Variants in TRPV6 observed in about 807,000 individuals in gnomAD.
The protein encoded by TRPV6 is Alu-binding protein with zinc finger domain.
In TRPV6, 39 loss-of-function variants were observed where a neutral mutation model predicts 79.0. That is an observed-to-expected ratio of 0.49 (90% CI 0.38 to 0.64). The LOEUF (loss-of-function observed/expected upper bound fraction) is 0.64, where lower values mean the gene tolerates loss of function less well. Ranked by LOEUF, TRPV6 falls within the 30% of genes least tolerant of loss-of-function variation. The pLI is 0.00. For synonymous variants in TRPV6, 373 were observed against 391.9 expected (o/e 0.95, Z 0.57); for missense variants, 813 against 1,011.1 (o/e 0.80, Z 2.66).
chr7:142,885,288 C>T (rs1795281672), intron 1 of TRPV6, 101 bp downstream of exon 1: 1 of 1,403,458 alleles, frequency 7.1e-7, no homozygotes, highest in South Asian at 1.4e-5. Flanking sequence ...ACCATCTGTC[C>T]AGCCAAAGGT....
intron 13 of TRPV6, 92 bp from the exon 14 acceptor site, chr7:142,872,570 G>A (rs1794966727): frequency 7.8e-7 from 1 of 1,286,154 alleles, no homozygotes; most frequent in East Asian, 2.5e-5. Context: ...TCTTCAGTGG[G>A]AGAGAGTTGA....
In TRPV6 at chr7:142,871,862, G is replaced by A. The variant is rs149332910; in HGVS notation, c.2143C>T (p.Pro715Ser). 4.4e-5 allele frequency: 71 copies of A among 1,614,168 alleles called. 1 individual carries two copies. In the African/African-American group the frequency reaches 8.9e-4, roughly 20 times the overall value. ...GAGGGCATAGGAAGGGACAGGTGGGGGCTGAAGGGACAGCCCAGCTCTAGT... is the reference window on the plus strand; with the variant it reads ...GAGGGCATAGGAAGGGACAGGTGGGAGCTGAAGGGACAGCCCAGCTCTAGT... The change falls in exon 15 of 15, where the codon CCC becomes TCC. Residue 715 changes from proline to serine, a missense_variant. This residue lies in a region of TRPV6 where 164 missense variants were observed against 186.1 expected (regional missense o/e 0.88). Transcript: ENST00000359396.
Position 142,873,709 on chromosome 7 carries a change from A to G in TRPV6, c.1647T>C (p.Tyr549=). The G allele has an allele frequency of 6.2e-7, 1 of 1,614,008 alleles. No individual in the cohort carries two copies. The highest frequency in any genetic ancestry group is 8.5e-7 in the Non-Finnish European group (1 of 1,179,920). Reference sequence around the variant, plus strand: ...CGGGGTCCTCTGTCTGGAAGATGATATAGAAGGCTGCTCCACCCAAGGGGG... The same window carrying G: ...CGGGGTCCTCTGTCTGGAAGATGATGTAGAAGGCTGCTCCACCCAAGGGGG... The change falls in exon 13 of 15, where the codon TAT becomes TAC. Residue 549 remains tyrosine, a synonymous_variant. Transcript: ENST00000359396. This position sits in a 1 kb window ranked among gnomAD's most constrained non-coding sequence, Gnocchi z 4.8.
At position 142,875,385 on chromosome 7, in the gene TRPV6, G is replaced by A. The variant is rs1586188050; in HGVS notation, c.1242+83C>T. 15 of 1,421,124 alleles carry A rather than the reference G, an allele frequency of 1.1e-5. No homozygotes were observed. In the East Asian group the frequency reaches 2.7e-4, roughly 26 times the overall value. 88.0% of individuals were successfully genotyped at this position (1,421,124 alleles called of 1,614,324 possible). A position where few individuals can be genotyped will look rare whatever the true frequency, so the allele number is the denominator to read the frequency against. On this transcript the variant is annotated intron_variant, in intron 8 of 14. Transcript: ENST00000359396. Reference sequence around the variant, plus strand: ...TGAGATTAGAGCAAGGGGAGAAATGGTGTGAGGGAGGAAAGGGACACCAGT... The same window carrying A: ...TGAGATTAGAGCAAGGGGAGAAATGATGTGAGGGAGGAAAGGGACACCAGT...
In TRPV6 at chr7:142,877,696, C is replaced by A; in HGVS notation, c.424G>T (p.Ala142Ser). ...ATGGGCTCAAAGACCAGCTCCGGGG[C>A]AGCCTCCATCAGCACCATGGCGGCC... The change falls in exon 3 of 15, where the codon GCC becomes TCC. Residue 142 changes from alanine to serine, a missense_variant. Physicochemically the swap from Ala to Ser is moderately conservative, Grantham distance 99 (BLOSUM62 1). This residue lies in a region of TRPV6 where 555 missense variants were observed against 631.0 expected (regional missense o/e 0.88). Transcript: ENST00000359396. 1 of 1,614,214 alleles carries A rather than the reference C, an allele frequency of 6.2e-7. No individual in the cohort carries two copies. The highest frequency in any genetic ancestry group is 8.5e-7 in the Non-Finnish European group (1 of 1,180,038).
rs1396989429 is a variant in TRPV6, at chr7:142,876,506, A to T, written c.784T>A (p.Tyr262Asn). ...TGCAGGTGGTCCCCATGTCTGTCGTAGGACAGCAACAGGTTGTACATCTGG... is the reference window on the plus strand; with the variant it reads ...TGCAGGTGGTCCCCATGTCTGTCGTTGGACAGCAACAGGTTGTACATCTGG... Residue 262 changes from tyrosine (Y) to asparagine (N), a missense_variant, in exon 6 of 15, where the codon TAC becomes AAC. Tyr to Asn is a moderately radical substitution (Grantham distance 143). Around this residue, in one of 3 missense-constraint regions of TRPV6, gnomAD observed 555 missense variants for 631.0 expected, o/e 0.88. Coordinates refer to ENST00000359396, the MANE Select transcript of TRPV6 (RefSeq NM_018646.6). The T allele has an allele frequency of 2.5e-6, 4 of 1,614,048 alleles. No individual in the cohort carries two copies. The highest frequency in any genetic ancestry group is 3.3e-5 in the Admixed American group (2 of 60,010).
chr7:142,880,065 C>T (rs1795161613), intron 1 of TRPV6: 1 of 152,222 alleles, frequency 6.6e-6, no homozygotes, highest in African/African-American at 2.4e-5. Context: ...GAATCAGCAG[C>T]AATGCCAAAA....
At position 142,873,595 on chromosome 7, in the gene TRPV6, G is replaced by A. The variant is rs777994337; in HGVS notation, c.1761C>T (p.Tyr587=). Reference sequence around the variant, plus strand: ...TGTACATGAAGGGCAGGTCCACGTTGTAGTTGGCTGGGCCATCGATGATGG... The same window carrying A: ...TGTACATGAAGGGCAGGTCCACGTTATAGTTGGCTGGGCCATCGATGATGG... Residue 587 remains tyrosine, a synonymous_variant, in exon 13 of 15, where the codon TAC becomes TAT. Transcript: ENST00000359396. This position sits in a 1 kb window ranked among gnomAD's most constrained non-coding sequence, Gnocchi z 4.8. 9 of 1,614,126 alleles carry A rather than the reference G, an allele frequency of 5.6e-6. No individual in the cohort carries two copies. In the African/African-American group the frequency reaches 1.2e-4, roughly 22 times the overall value.
rs1188621329 is a variant in TRPV6, at chr7:142,885,660, G to A, written c.-24C>T. Reference sequence around the variant, plus strand: ...GTCTCCTGTCTCCTGCCTTCCTGACGAGTTCCTTGGGAGTCTCCCAGCAGC... The same window carrying A: ...GTCTCCTGTCTCCTGCCTTCCTGACAAGTTCCTTGGGAGTCTCCCAGCAGC... On this transcript the variant is annotated 5_prime_UTR_variant, in exon 1 of 15. Coordinates refer to ENST00000359396, the MANE Select transcript of TRPV6 (RefSeq NM_018646.6). 4 of 1,185,992 alleles carry A rather than the reference G, an allele frequency of 3.4e-6. No individual in the cohort carries two copies. The highest frequency in any genetic ancestry group is 5.2e-5 in the East Asian group (2 of 38,510). 73.5% of individuals were successfully genotyped at this position (1,185,992 alleles called of 1,614,324 possible). A position where few individuals can be genotyped will look rare whatever the true frequency, so the allele number is the denominator to read the frequency against.
intron 5 of TRPV6, 41 bp downstream of exon 5, chr7:142,876,698 C>T: frequency 6.2e-7 from 1 of 1,613,740 alleles, no homozygotes; most frequent in Non-Finnish European, 8.5e-7. Flanking sequence ...GTCCCTCACT[C>T]CCTGCAGCAT....
chr7:142,873,576 T>G lies in TRPV6; in HGVS notation c.1780A>C (p.Met594Leu). The G allele has an allele frequency of 1.2e-6, 2 of 1,614,172 alleles. No homozygotes were observed. The highest frequency in any genetic ancestry group is 1.7e-6 in the Non-Finnish European group (2 of 1,180,034). The change falls in exon 13 of 15, where the codon ATG (methionine) becomes CTG (leucine). Residue 594 changes from methionine (M) to leucine (L), a missense_variant. Physicochemically the swap from Met to Leu is conservative, Grantham distance 15. Transcript: ENST00000359396. This position sits in a 1 kb window ranked among gnomAD's most constrained non-coding sequence, Gnocchi z 4.8. Reference sequence around the variant, plus strand: ...AAGGCAGCATAGGTGATGCTGTACATGAAGGGCAGGTCCACGTTGTAGTTG... The same window carrying G: ...AAGGCAGCATAGGTGATGCTGTACAGGAAGGGCAGGTCCACGTTGTAGTTG...
At position 142,875,700 on chromosome 7, in the gene TRPV6, G is replaced by C. The variant is rs1795049912; in HGVS notation, c.1030-20C>G. ...GCGAGCCTGCAACAGAAAGAGAACA[G>C]GTGGCTCAGAGACCCTGACACCCCT... On this transcript the variant is annotated intron_variant, in intron 7 of 14. Transcript: ENST00000359396. 1 of 1,606,564 alleles carries C rather than the reference G, an allele frequency of 6.2e-7. No individual in the cohort carries two copies. The highest frequency in any genetic ancestry group is 1.7e-5 in the Admixed American group (1 of 59,418).
rs777267728 is a variant in TRPV6, at chr7:142,871,936, G to T, written c.2069C>A (p.Ala690Asp). The T allele has an allele frequency of 6.2e-7, 1 of 1,613,756 alleles. No homozygotes were observed. The stretch of plus-strand genomic sequence containing the variant: ...ATCCTCAGAGCCCCGGGTGTGGAAG[G>T]CCTGTGCGTAGCGTTGGATCCGCTG... Residue 690 changes from alanine to aspartate, a missense_variant, in exon 15 of 15, where the codon GCC becomes GAC. By Grantham distance (126) the Ala-to-Asp change is moderately radical (BLOSUM62 -2). This residue lies in a region of TRPV6 where 164 missense variants were observed against 186.1 expected (regional missense o/e 0.88). Transcript: ENST00000359396.
At position 142,871,585 on chromosome 7, in the gene TRPV6, T is replaced by C; in HGVS notation, c.*122A>G. ...CTCAACGTACATTCCTTGGCGTTCA[T>C]GCTACTCCTCTTTCTCCCCTGGGGC... On this transcript the variant is annotated 3_prime_UTR_variant, in exon 15 of 15. Transcript: ENST00000359396. 12 of 1,209,828 alleles carry C rather than the reference T, an allele frequency of 9.9e-6. No individual in the cohort carries two copies. Among genetic ancestry groups the C allele is most frequent in the Non-Finnish European group, 1.3e-5 (11 of 864,086 alleles). 74.9% of individuals were successfully genotyped at this position (1,209,828 alleles called of 1,614,324 possible). A position where few individuals can be genotyped will look rare whatever the true frequency, so the allele number is the denominator to read the frequency against.
chr7:142,872,333 A>G, intron 14 of TRPV6, 39 bp downstream of exon 14: 1 of 1,604,202 alleles, frequency 6.2e-7, no homozygotes, highest in Non-Finnish European at 8.5e-7. Flanking sequence ...CCTGCCGATG[A>G]GGCTTCTCAG....
In TRPV6 at chr7:142,875,771, G is replaced by A. The variant is rs1379470524; in HGVS notation, c.1016C>T (p.Thr339Ile). The A allele has an allele frequency of 6.2e-7, 1 of 1,605,040 alleles. No individual in the cohort carries two copies. The highest frequency in any genetic ancestry group is 8.5e-7 in the Non-Finnish European group (1 of 1,175,124). ...CATGAGCCATACCTCCCGCTTCTTG[G>A]TGGTGATGATAAGTTCCAGCAGGGA... The change falls in exon 7 of 15, where the codon ACC becomes ATC. Residue 339 changes from threonine (T) to isoleucine (I), a missense_variant. Transcript: ENST00000359396.
intron 8 of TRPV6, 150 bp downstream of exon 8, chr7:142,875,318 G>A (rs867080646): frequency 1.1e-5 from 13 of 1,212,974 alleles, no homozygotes; most frequent in Admixed American, 2.2e-5. Context: ...GAGCGTATGT[G>A]TGTTTTTGTG....
In TRPV6 at chr7:142,872,358, C is replaced by G. The variant is rs181987259; in HGVS notation, c.2015+14G>C. 232 of 1,613,278 alleles carry G rather than the reference C, an allele frequency of 1.4e-4. No individual in the cohort carries two copies. In the East Asian group the frequency reaches 4.7e-3, roughly 33 times the overall value. ...AGGCTTCTCAGGGGACACCTACCCC[C>G]GCATATCACTCACCGCAGGAACCAG... On this transcript the variant is annotated intron_variant, in intron 14 of 14. Coordinates refer to ENST00000359396, the MANE Select transcript of TRPV6 (RefSeq NM_018646.6).
intron 11 of TRPV6, 112 bp from the exon 12 acceptor site, chr7:142,874,254 A>C (rs1475487550): frequency 7.7e-7 from 1 of 1,303,054 alleles, no homozygotes; most frequent in Non-Finnish European, 1.1e-6. Context: ...CCTCTGGGAC[A>C]GGGATTGGCT....
Sources: allele counts gnomAD v4.1 joint callset, GRCh38; gene constraint gnomAD v4.1.1; regional missense constraint gnomAD v4.1.1; non-coding constraint Gnocchi (gnomAD v3.1); transcripts MANE v1.5; gene names NCBI Gene and HGNC (gene_info 2026-07-23, HGNC 2026-07-21).